The following TMTC1 variants were observed in gnomAD, a reference collection of about 807,000 sequenced individuals.
The protein encoded by TMTC1 is transmembrane O-mannosyltransferase targeting cadherins 1, also known as protein O-mannosyl-transferase TMTC1.
TMTC1 carries 73 observed loss-of-function variants against 104.8 expected under a neutral mutation model. The ratio of observed to expected loss-of-function variants is 0.70; its 90% CI spans 0.58 to 0.85. The LOEUF is 0.85. TMTC1 is among the 40% of genes least tolerant of loss of function. The pLI, the probability that TMTC1 is intolerant of heterozygous loss-of-function variation, is 0.00. For synonymous variants in TMTC1, 434 were observed against 428.7 expected (o/e 1.01, Z -0.15); for missense variants, 1,035 against 1,096.1 (o/e 0.94, Z 0.79).
rs1389835393 is a variant in TMTC1 at position 29,583,452 on chromosome 12, G to C, written c.1373C>G (p.Thr458Ser). Residue 458 changes from threonine to serine, a missense_variant, in exon 8 of 18, where the codon ACT becomes AGT. Coordinates refer to ENST00000539277, the MANE Select transcript of TMTC1 (RefSeq NM_001193451.2). ...CAGCCAAATTTCATTCTGTTTCACAGTTTTCCAAGAGAAAAGCAACAGCAG... is the reference window on the plus strand; with the variant it reads ...CAGCCAAATTTCATTCTGTTTCACACTTTTCCAAGAGAAAAGCAACAGCAG... The part of the protein sequence containing the change: ...VLLLLLFSWK[T>S]VKQNEIWLSR... The C allele has an allele frequency of 6.2e-7, 1 of 1,613,944 alleles. No individual in the cohort carries two copies. The highest frequency in any genetic ancestry group is 8.5e-7 in the Non-Finnish European group (1 of 1,179,886).
chr12:29,578,249 A>T (rs1945878205), intron 8 of TMTC1, among the ~76,000 whole-genome samples: 2 of 151,894 alleles, frequency 1.3e-5, no homozygotes, highest in South Asian at 4.1e-4. Flanking sequence ...GCTTTTTCCC[A>T]TCGTTGGTTT....
chr12:29,723,001 GAC>G (rs1249295036), intron 5 of TMTC1, among the ~76,000 whole-genome samples: 11 of 148,824 alleles, frequency 7.4e-5, no homozygotes, highest in South Asian at 6.4e-4. Flanking sequence ...AAAAAATTAA[GAC>G]ACAAAAATCA....
intron 11 of TMTC1, among the ~76,000 whole-genome samples, chr12:29,522,402 G>T (rs1051013614): frequency 5.3e-5 from 8 of 152,040 alleles, no homozygotes; most frequent in Non-Finnish European, 1.0e-4. Flanking sequence ...CAAAAATAAG[G>T]ATCCATGTCT....
chr12:29,640,578 GGA>G (rs1302065299), intron 5 of TMTC1: 2 of 152,156 alleles, frequency 1.3e-5, no homozygotes, highest in African/African-American at 4.8e-5. Context: ...GAGTCAATTT[GGA>G]GAGCCAAGTG....
At chr12:29,638,359 G>A (rs1938662575) in intron 5 of TMTC1, among the ~76,000 whole-genome samples, 1 of 152,006 alleles carries the variant, frequency 6.6e-6, no homozygotes, top group Non-Finnish European at 1.5e-5. Flanking sequence ...ATTCAGCTGA[G>A]GGTGATCGGC....
intron 5 of TMTC1, among the ~76,000 whole-genome samples, chr12:29,673,770 CTTTTTT>C (rs1940615305): frequency 1.5e-5 from 1 of 67,510 alleles, no homozygotes; most frequent in South Asian, 3.9e-4. Flanking sequence ...TTTTTTTTTT[CTTTTTT>C]GAGATGGAAT....
At chr12:29,677,395 T>C (rs1484564622) in intron 5 of TMTC1, among the ~76,000 whole-genome samples, 1 of 152,152 alleles carries the variant, frequency 6.6e-6, no homozygotes, top group Middle Eastern at 3.2e-3. Context: ...TGCCATAAAA[T>C]ATGCATAGAA....
chr12:29,701,568 C>T (rs1402951373), intron 5 of TMTC1, among the ~76,000 whole-genome samples: 2 of 152,202 alleles, frequency 1.3e-5, no homozygotes, highest in Non-Finnish European at 2.9e-5. Flanking sequence ...GTTCTTCCCA[C>T]CTCCTTTCAC....
At chr12:29,728,192 G>A (rs1379806812) in intron 5 of TMTC1, among the ~76,000 whole-genome samples, 1 of 152,204 alleles carries the variant, frequency 6.6e-6, no homozygotes, top group Admixed American at 6.5e-5. Flanking sequence ...GTGACAGGGA[G>A]TGAGGATCCA....
intron 5 of TMTC1, among the ~76,000 whole-genome samples, chr12:29,674,942 C>T (rs978770310): frequency 1.3e-5 from 2 of 152,196 alleles, no homozygotes; most frequent in Non-Finnish European, 2.9e-5. Flanking sequence ...ATGATTTTCA[C>T]AGGGGCTTGT....
intron 5 of TMTC1, among the ~76,000 whole-genome samples, chr12:29,685,805 T>C (rs994159312): frequency 6.6e-6 from 1 of 152,116 alleles, no homozygotes; most frequent in African/African-American, 2.4e-5. Flanking sequence ...AATTCAAATT[T>C]TGTAAGATAG....
intron 8 of TMTC1, among the ~76,000 whole-genome samples, chr12:29,572,452 C>T (rs944273066): frequency 2.6e-5 from 4 of 152,174 alleles, no homozygotes; most frequent in Admixed American, 2.6e-4. Flanking sequence ...AACAAGCATG[C>T]TAACTGTGTA....
chr12:29,537,241 A>G (rs1944670210), intron 10 of TMTC1, among the ~76,000 whole-genome samples: 1 of 152,214 alleles, frequency 6.6e-6, no homozygotes, highest in Non-Finnish European at 1.5e-5. Context: ...CTCCTCTTTA[A>G]CAGTTACCAA....
intron 11 of TMTC1, among the ~76,000 whole-genome samples, chr12:29,531,477 G>A (rs1053706506): frequency 1.3e-5 from 2 of 152,162 alleles, no homozygotes; most frequent in African/African-American, 2.4e-5. Context: ...GGCTATCAAC[G>A]TGGGGCTAGT....
chr12:29,595,919 G>A (rs1462405055), intron 7 of TMTC1, among the ~76,000 whole-genome samples: 1 of 152,092 alleles, frequency 6.6e-6, no homozygotes, highest in African/African-American at 2.4e-5. Flanking sequence ...TGAGTAACAT[G>A]GAAGATACCA....
chr12:29,730,069 T>C (rs566653834), intron 5 of TMTC1, among the ~76,000 whole-genome samples: 11 of 152,208 alleles, frequency 7.2e-5, no homozygotes, highest in African/African-American at 2.6e-4. Context: ...GCCACACAAG[T>C]GACTCTGAGC....
chr12:29,747,689 T>C (rs1267804656), intron 5 of TMTC1, among the ~76,000 whole-genome samples: 1 of 152,192 alleles, frequency 6.6e-6, no homozygotes, highest in Non-Finnish European at 1.5e-5. Context: ...CAGAAACCCA[T>C]ACGGGGAAAA....
intron 11 of TMTC1, chr12:29,535,099 C>G (rs1944607097): frequency 6.6e-6 from 1 of 152,316 alleles, no homozygotes; most frequent in Non-Finnish European, 1.5e-5. Flanking sequence ...AAACAACCAG[C>G]CTGTCAGAGG....
At chr12:29,631,746 A>T (rs925230300) in intron 6 of TMTC1, among the ~76,000 whole-genome samples, 2 of 152,194 alleles carry the variant, frequency 1.3e-5, no homozygotes, top group Non-Finnish European at 2.9e-5. Context: ...GTTTGAATAC[A>T]TTTGATGAGT....
Sources: allele counts gnomAD v4.1 joint callset (sites outside exome capture counted in the v4.1 genomes callset), GRCh38; gene constraint gnomAD v4.1.1; transcripts MANE v1.5; gene names NCBI Gene and HGNC (gene_info 2026-07-23, HGNC 2026-07-21).